Variants in PLEKHA7 observed in about 807,000 individuals in gnomAD.
PLEKHA7 encodes pleckstrin homology domain containing A7, also known as pleckstrin homology domain-containing family A member 7.
Under a neutral mutation model 170.0 loss-of-function variants are expected in PLEKHA7, and 104 were observed. That is an observed-to-expected ratio of 0.61 (90% CI 0.52 to 0.72). The LOEUF (loss-of-function observed/expected upper bound fraction) is 0.72, where lower values mean the gene tolerates loss of function less well. Ranked by LOEUF, PLEKHA7 falls within the 30% of genes least tolerant of loss-of-function variation. The probability of loss-of-function intolerance (pLI) is 0.00; values close to 1 mark genes in which losing one functional copy is unlikely to be tolerated. For missense variants in PLEKHA7, 1,615 were observed against 1,671.7 expected, an observed-to-expected ratio of 0.97 and a Z score of 0.59; for synonymous variants, 648 against 660.8, an observed-to-expected ratio of 0.98 and a Z score of 0.30.
chr11:16,850,153 T>C (rs1852805249), intron 8 of PLEKHA7, among the ~76,000 whole-genome samples: 1 of 152,188 alleles, frequency 6.6e-6, no homozygotes, highest in Non-Finnish European at 1.5e-5. Context: ...ACCTTGAGCT[T>C]TCCCGTGGTC....
chr11:17,011,249 G>A (rs948135047), intron 3 of PLEKHA7, among the ~76,000 whole-genome samples: 5 of 152,156 alleles, frequency 3.3e-5, no homozygotes, highest in African/African-American at 9.7e-5. Flanking sequence ...CCTGGGTGAC[G>A]CTAGTGAGAT....
chr11:16,867,056 C>T (rs1353733586), intron 4 of PLEKHA7, among the ~76,000 whole-genome samples: 1 of 151,908 alleles, frequency 6.6e-6, no homozygotes, highest in African/African-American at 2.4e-5. Context: ...AAGATTGTCA[C>T]TGCAGCCCAG....
intron 10 of PLEKHA7, among the ~76,000 whole-genome samples, chr11:16,822,476 A>G (rs943568631): frequency 6.9e-6 from 1 of 145,940 alleles, no homozygotes; most frequent in African/African-American, 2.6e-5. Flanking sequence ...AAGGTACCAC[A>G]TCTCAAGTGT....
At position 16,826,397 on chromosome 11, in the gene PLEKHA7, G is replaced by T. The variant is rs146639700; in HGVS notation, c.1066C>A (p.Arg356=). The T allele has an allele frequency of 6.2e-7, 1 of 1,614,210 alleles. No individual in the cohort carries two copies. Among genetic ancestry groups the T allele is most frequent in the African/African-American group, 1.3e-5 (1 of 75,038 alleles). The change falls in exon 10 of 27, where the codon CGG becomes AGG. Residue 356 remains arginine (R), a synonymous_variant. Transcript: ENST00000531066. The part of the protein sequence containing the change: ...RSQRDPLEGK[R]DRSKARSPYS... ...GGAGACCTGGCCTTGCTCCGGTCCCGCTTGCCCTCCAGTGGGTCCCTCTGG... is the reference window on the plus strand; with the variant it reads ...GGAGACCTGGCCTTGCTCCGGTCCCTCTTGCCCTCCAGTGGGTCCCTCTGG...
chr11:16,798,762 T>C (rs748377698), intron 17 of PLEKHA7, among the ~76,000 whole-genome samples: 8 of 152,194 alleles, frequency 5.3e-5, no homozygotes, highest in Non-Finnish European at 1.2e-4. Flanking sequence ...ACTTTTAAGA[T>C]GTATACTCAT....
chr11:16,970,844 GA>G (rs1175447465), intron 3 of PLEKHA7, among the ~76,000 whole-genome samples: 7 of 152,032 alleles, frequency 4.6e-5, no homozygotes, highest in Non-Finnish European at 7.4e-5. Flanking sequence ...AAGACAGGAA[GA>G]AAAAAATGTT....
chr11:16,997,323 G>A (rs866922640), intron 3 of PLEKHA7, among the ~76,000 whole-genome samples: 10 of 152,138 alleles, frequency 6.6e-5, no homozygotes, highest in Admixed American at 1.3e-4. Flanking sequence ...GAGTCTTCAG[G>A]AAAGCATTAG....
intron 3 of PLEKHA7, among the ~76,000 whole-genome samples, chr11:16,949,180 ACCC>A (rs1289454446): frequency 6.7e-6 from 1 of 150,154 alleles, no homozygotes; most frequent in Admixed American, 6.6e-5. Context: ...TTTCAGTGTA[ACCC>A]CCCCATCTGC....
chr11:16,936,933 G>T (rs1462542487), intron 3 of PLEKHA7, among the ~76,000 whole-genome samples: 4 of 152,348 alleles, frequency 2.6e-5, no homozygotes, highest in Admixed American at 2.6e-4. Flanking sequence ...CAGGCAGAAA[G>T]GAAAGAGCAT....
chr11:16,852,368 G>C lies in PLEKHA7; in HGVS notation c.523-13C>G, dbSNP rs1379095097. 6.2e-7 allele frequency: 1 copy of C among 1,613,022 alleles called. No individual in the cohort carries two copies. Among genetic ancestry groups the C allele is most frequent in the Admixed American group, 1.7e-5 (1 of 59,952 alleles). ...TCCCAGAACTGTCCTGCAAAGCAAA[G>C]AAAACTAGTCAGGGTAATATCTGAG... is the stretch of plus-strand genomic sequence containing the variant. On this transcript the variant is annotated splice_polypyrimidine_tract_variant and intron_variant, in intron 6 of 26. Transcript: ENST00000531066.
chr11:16,848,135 A>G (rs967028748), intron 8 of PLEKHA7, among the ~76,000 whole-genome samples: 1 of 152,242 alleles, frequency 6.6e-6, no homozygotes, highest in African/African-American at 2.4e-5. Context: ...TGATAGATAT[A>G]CAAAGAACAA....
intron 4 of PLEKHA7, among the ~76,000 whole-genome samples, chr11:16,864,029 TCTCTCTGCAGCAGTAGCCTA>T: frequency 6.6e-6 from 1 of 152,296 alleles, no homozygotes; most frequent in South Asian, 2.1e-4. Context: ...ACAATTACAA[TCTCTCTGCAGCAGTAGCCTA>T]CTCACTCAGC....
At position 16,947,412 on chromosome 11, in the gene PLEKHA7, A is replaced by T. The variant is rs1861098614; in HGVS notation, c.221+66577T>A. The stretch of plus-strand genomic sequence containing the variant: ...TCGAGACCAGCCTGGCCAACATGAC[A>T]AAACTCCGTCTCTACTAAAAATACG... On this transcript the variant is annotated intron_variant, in intron 3 of 26. Transcript: ENST00000531066. Among the ~76,000 whole-genome samples the T allele has an allele frequency of 5.3e-5, 8 of 151,564 alleles. No individual in the cohort carries two copies. The South Asian group carries it at 1.7e-3, about 32-fold the overall frequency.
chr11:16,831,697 T>C (rs966693982), intron 9 of PLEKHA7, among the ~76,000 whole-genome samples: 2 of 152,214 alleles, frequency 1.3e-5, no homozygotes, highest in South Asian at 2.1e-4. Flanking sequence ...CCACCACATA[T>C]AAGCTGTGTG....
At chr11:16,932,478 C>T (rs563580233) in intron 3 of PLEKHA7, among the ~76,000 whole-genome samples, 27 of 152,136 alleles carry the variant, frequency 1.8e-4, no homozygotes, top group Admixed American at 6.5e-4. Flanking sequence ...AGAGACAGGA[C>T]CTTGCTATGT....
intron 3 of PLEKHA7, among the ~76,000 whole-genome samples, chr11:16,994,366 C>A (rs1173853457): frequency 1.3e-5 from 2 of 152,190 alleles, no homozygotes; most frequent in African/African-American, 4.8e-5. Context: ...CACCCACTCT[C>A]TTCATCCCTT....
intron 4 of PLEKHA7, among the ~76,000 whole-genome samples, chr11:16,858,569 T>C (rs1297751456): frequency 6.6e-6 from 1 of 151,782 alleles, no homozygotes; most frequent in Non-Finnish European, 1.5e-5. Flanking sequence ...CTCGGCTCAC[T>C]GCAACCTCCG....
rs555027885 is a variant in PLEKHA7 at position 16,991,618 on chromosome 11, G to A, written c.221+22371C>T. Among the ~76,000 whole-genome samples, 11 of 152,278 alleles carry A rather than the reference G, an allele frequency of 7.2e-5. No individual in the cohort carries two copies. In the South Asian group the frequency reaches 2.1e-3, roughly 29 times the overall value. ...TAGGCTGGCTGCACTTCACATGTTT[G>A]AAAAACAGCAGCAGGGATGGGAGGA... On this transcript the variant is annotated intron_variant, in intron 3 of 26. Transcript: ENST00000531066.
In PLEKHA7 at chr11:16,783,917, A is replaced by G. The variant is rs145400232; in HGVS notation, c.3517-84T>C. Reference sequence around the variant, plus strand: ...GCTTTCCCCACCTCTGTCCCCTCCCACCATGGGAAGCAAGCAGAGTCCACA... The same window carrying G: ...GCTTTCCCCACCTCTGTCCCCTCCCGCCATGGGAAGCAAGCAGAGTCCACA... On this transcript the variant is annotated intron_variant, in intron 24 of 26. Coordinates refer to ENST00000531066, the MANE Select transcript of PLEKHA7 (RefSeq NM_001329630.2). 70 of 1,273,248 alleles carry G rather than the reference A, an allele frequency of 5.5e-5. No homozygotes were observed. The African/African-American group carries it at 1.0e-3, about 18-fold the overall frequency. 78.9% of individuals were successfully genotyped at this position (1,273,248 alleles called of 1,614,324 possible). A position where few individuals can be genotyped will look rare whatever the true frequency, so the allele number is the denominator to read the frequency against.
Sources: allele counts gnomAD v4.1 joint callset (sites outside exome capture counted in the v4.1 genomes callset), GRCh38; gene constraint gnomAD v4.1.1; transcripts MANE v1.5; gene names NCBI Gene and HGNC (gene_info 2026-07-23, HGNC 2026-07-21).